FTO: variants seen among roughly 807,000 people sequenced by gnomAD.
FTO encodes alpha-ketoglutarate-dependent dioxygenase FTO.
In FTO, 47 loss-of-function variants were observed where a neutral mutation model predicts 63.9. The observed-to-expected ratio is 0.74, with a 90% CI of 0.58 to 0.94. FTO has a LOEUF of 0.94. Ranked by LOEUF, FTO falls within the 40% of genes least tolerant of loss-of-function variation. The pLI, the probability that FTO is intolerant of heterozygous loss-of-function variation, is 0.00. For synonymous variants in FTO, 207 were observed against 224.4 expected (o/e 0.92, Z 0.69); for missense variants, 562 against 618.1 (o/e 0.91, Z 0.96).
chr16:53,901,932 C>G (rs1456152833), intron 7 of FTO, among the ~76,000 whole-genome samples: 2 of 152,032 alleles, frequency 1.3e-5, no homozygotes, highest in Admixed American at 1.3e-4. Flanking sequence ...AATTTAGAGG[C>G]CACTATTCTC....
chr16:53,795,970 G>A (rs559811164), intron 1 of FTO, among the ~76,000 whole-genome samples: 1 of 151,904 alleles, frequency 6.6e-6, no homozygotes, highest in Non-Finnish European at 1.5e-5. Flanking sequence ...TCTCACCAGG[G>A]AAACTGTTAA....
intron 8 of FTO, among the ~76,000 whole-genome samples, chr16:53,962,858 AT>A (rs1161089950): frequency 3.9e-5 from 6 of 152,216 alleles, no homozygotes; most frequent in African/African-American, 1.4e-4. Context: ...AGCATGAGAA[AT>A]GTATATTTTC....
At chr16:53,705,222 C>G (rs1306134627) in intron 1 of FTO, among the ~76,000 whole-genome samples, 1 of 152,136 alleles carries the variant, frequency 6.6e-6, no homozygotes, top group Admixed American at 6.5e-5. Context: ...AATTATGTCC[C>G]TTTCCTTTCT....
intron 8 of FTO, among the ~76,000 whole-genome samples, chr16:53,980,723 G>T (rs774241286): frequency 1.3e-5 from 2 of 152,178 alleles, no homozygotes; most frequent in African/African-American, 4.8e-5. Flanking sequence ...CCAGTATTTA[G>T]GCTTGTTCTT....
At chr16:54,049,490 A>T (rs2085264049) in intron 8 of FTO, among the ~76,000 whole-genome samples, 1 of 152,114 alleles carries the variant, frequency 6.6e-6, no homozygotes, top group Non-Finnish European at 1.5e-5. Context: ...AAGCAAATTA[A>T]TTTTCATTTT....
chr16:53,707,689 G>T (rs2075661973), intron 1 of FTO, among the ~76,000 whole-genome samples: 1 of 152,292 alleles, frequency 6.6e-6, no homozygotes, highest in Admixed American at 6.5e-5. Context: ...TGACTAATGA[G>T]GTTGCATATC....
chr16:54,001,959 G>C (rs2084078542), intron 8 of FTO, among the ~76,000 whole-genome samples: 1 of 152,132 alleles, frequency 6.6e-6, no homozygotes, highest in Admixed American at 6.5e-5. Context: ...GCTTCCTTTG[G>C]GCCAGATGAT....
intron 8 of FTO, among the ~76,000 whole-genome samples, chr16:54,053,675 A>AGCCC (rs1339315840): frequency 6.6e-6 from 1 of 152,186 alleles, no homozygotes; most frequent in Non-Finnish European, 1.5e-5. Flanking sequence ...GGCTCCAAGG[A>AGCCC]AGTTACACGT....
intron 1 of FTO, among the ~76,000 whole-genome samples, chr16:53,808,234 T>G (rs2078422317): frequency 6.6e-6 from 1 of 151,818 alleles, no homozygotes; most frequent in African/African-American, 2.4e-5. Flanking sequence ...CTTGCGAGGC[T>G]GAGTTGGGAG....
intron 7 of FTO, among the ~76,000 whole-genome samples, chr16:53,912,889 A>G (rs977035052): frequency 1.3e-5 from 2 of 152,366 alleles, no homozygotes; most frequent in South Asian, 4.1e-4. Flanking sequence ...GGTCAGAAGA[A>G]GATGCAGCTT....
intron 2 of FTO, among the ~76,000 whole-genome samples, chr16:53,816,611 C>G (rs2078698196): frequency 6.6e-6 from 1 of 151,886 alleles, no homozygotes. Context: ...CTGGAACTCT[C>G]TCATCCCCCC....
chr16:53,839,548 C>G (rs770191227), intron 3 of FTO, among the ~76,000 whole-genome samples: 3 of 152,016 alleles, frequency 2.0e-5, no homozygotes, highest in Admixed American at 6.6e-5. Context: ...TGGGAGACAT[C>G]GAGAAAGACT....
chr16:54,097,324 GT>G lies in FTO; in HGVS notation c.1365-14428del, dbSNP rs113321593. ...TAGGTTGTTAGCTTGCTCTTTTTTT[GT>G]TTTTTTTTTGTTGTTGTTGTTGTGT... is the stretch of plus-strand genomic sequence containing the variant. On this transcript the variant is annotated intron_variant, in intron 8 of 8. Coordinates refer to ENST00000471389, the MANE Select transcript of FTO (RefSeq NM_001080432.3). 1.6e-4 allele frequency among the ~76,000 whole-genome samples: 23 copies of G among 147,164 alleles called. No individual in the cohort carries two copies. The East Asian group carries it at 2.2e-3, about 14-fold the overall frequency.
intron 8 of FTO, among the ~76,000 whole-genome samples, chr16:54,051,332 A>G (rs1186245288): frequency 6.6e-6 from 1 of 152,208 alleles, no homozygotes. Flanking sequence ...GAGAAAAATT[A>G]ATCTGGTTAT....
chr16:53,959,916 G>C (rs1337236651), intron 8 of FTO, among the ~76,000 whole-genome samples: 1 of 152,142 alleles, frequency 6.6e-6, no homozygotes, highest in Non-Finnish European at 1.5e-5. Context: ...GGTGCAAAGT[G>C]TGATAGAGAG....
chr16:53,930,221 CTTTTTTTTTTTTTTTT>C (rs1014205147), intron 7 of FTO, among the ~76,000 whole-genome samples: 3 of 75,692 alleles, frequency 4.0e-5, no homozygotes, highest in South Asian at 9.2e-4. Context: ...TGATTATCTT[CTTTTTTTTTTTTTTTT>C]TTTTTTTTTT....
chr16:53,720,097 T>C (rs1439812894), intron 1 of FTO, among the ~76,000 whole-genome samples: 1 of 152,092 alleles, frequency 6.6e-6, no homozygotes, highest in Non-Finnish European at 1.5e-5. Context: ...GCTCTCCAAC[T>C]ACCAGTGCAC....
At chr16:53,883,646 A>AAAAAAAAAAAAAAAAAAC (rs1555489016) in intron 6 of FTO, among the ~76,000 whole-genome samples, 1 of 135,702 alleles carries the variant, frequency 7.4e-6, no homozygotes, top group African/African-American at 3.0e-5. Flanking sequence ...CAAAAAAAAA[A>AAAAAAAAAAAAAAAAAAC]AAACAAATTT....
intron 1 of FTO, among the ~76,000 whole-genome samples, chr16:53,779,305 C>T (rs1567978820): frequency 6.6e-6 from 1 of 151,972 alleles, no homozygotes; most frequent in African/African-American, 2.4e-5. Flanking sequence ...TACATTTACT[C>T]AAGAGTTTGT....
Sources: gnomAD v4.1 joint callset for allele counts (sites outside exome capture counted in the v4.1 genomes callset) on GRCh38, gnomAD v4.1.1 for gene constraint, MANE v1.5 for transcripts, NCBI Gene and HGNC (gene_info 2026-07-23, HGNC 2026-07-21) for gene names.